AGBL3: variants seen among roughly 807,000 people sequenced by gnomAD.
AGBL3 encodes AGBL carboxypeptidase 3, also known as cytosolic carboxypeptidase 3.
Under a neutral mutation model 94.5 loss-of-function variants are expected in AGBL3, and 68 were observed. The observed-to-expected ratio is 0.72, with a 90% CI of 0.59 to 0.88. The LOEUF (loss-of-function observed/expected upper bound fraction) is 0.88, where lower values mean the gene tolerates loss of function less well. Ranked by LOEUF, AGBL3 falls within the 40% of genes least tolerant of loss-of-function variation. AGBL3 has a pLI of 0.00. For missense variants in AGBL3, 934 were observed against 1,103.8 expected, an observed-to-expected ratio of 0.85 and a Z score of 2.18; for synonymous variants, 354 against 370.7, an observed-to-expected ratio of 0.95 and a Z score of 0.52.
At position 135,063,494 on chromosome 7, in the gene AGBL3, T is replaced by C. The variant is rs903338461; in HGVS notation, c.1908+4259T>C. ...GCCCCAGCTCAAAAGATCTTCTTTT[T>C]TGATGTAGGTGTTTATTGATATGAA... On this transcript the variant is annotated intron_variant, in intron 12 of 16. Transcript: ENST00000436302. Among the ~76,000 whole-genome samples, 22 of 152,260 alleles carry C rather than the reference T, an allele frequency of 1.4e-4. 3 individuals carry two copies. The South Asian group carries it at 3.5e-3, about 24-fold the overall frequency.
intron 14 of AGBL3, among the ~76,000 whole-genome samples, chr7:135,080,744 G>GTTTTTTTTTTTTTTT (rs11409204): frequency 1.5e-5 from 2 of 136,958 alleles, no homozygotes; most frequent in Non-Finnish European, 1.6e-5. Context: ...TAGCATCTCT[G>GTTTTTTTTTTTTTTT]TTTTTTTTTT....
chr7:135,036,478 T>G (rs995066278), intron 7 of AGBL3, among the ~76,000 whole-genome samples: 1 of 152,214 alleles, frequency 6.6e-6, no homozygotes, highest in Non-Finnish European at 1.5e-5. Context: ...AAATATTAAT[T>G]GGCTTCAGCA....
intron 4 of AGBL3, among the ~76,000 whole-genome samples, chr7:134,999,715 A>G (rs1811473643): frequency 6.6e-6 from 1 of 152,220 alleles, no homozygotes; most frequent in African/African-American, 2.4e-5. Flanking sequence ...ATTTGACCAT[A>G]TGGCCAGCCA....
chr7:134,995,937 CAT>C (rs2133385472), intron 4 of AGBL3, among the ~76,000 whole-genome samples: 1 of 152,326 alleles, frequency 6.6e-6, no homozygotes, highest in Non-Finnish European at 1.5e-5. Flanking sequence ...TCTTCTCCCA[CAT>C]GTGTCCTTGA....
intron 11 of AGBL3, among the ~76,000 whole-genome samples, chr7:135,047,860 G>A (rs894854436): frequency 4.0e-5 from 6 of 151,716 alleles, no homozygotes; most frequent in South Asian, 4.2e-4. Context: ...GTACAGAAGC[G>A]TTTTAGTTTG....
At chr7:135,015,858 C>CAAAAAAAAAAAAA (rs780785475) in intron 4 of AGBL3, among the ~76,000 whole-genome samples, 5 of 77,104 alleles carry the variant, frequency 6.5e-5, no homozygotes, top group Middle Eastern at 6.9e-3. Flanking sequence ...ACTAAAAATA[C>CAAAAAAAAAAAAA]AAAAAAAAGA....
chr7:135,071,139 A>G (rs899333688), intron 12 of AGBL3, among the ~76,000 whole-genome samples: 10 of 152,330 alleles, frequency 6.6e-5, no homozygotes, highest in African/African-American at 2.4e-4. Context: ...CAAAGAGAAT[A>G]AAATACCTAG....
intron 2 of AGBL3, 155 bp downstream of exon 2, chr7:134,988,151 G>C: frequency 1.7e-6 from 1 of 589,756 alleles, no homozygotes; most frequent in Non-Finnish European, 2.9e-6. Flanking sequence ...AAAAAGCTAA[G>C]CTATCACTGG....
chr7:135,034,839 C>T lies in AGBL3; in HGVS notation c.1248C>T (p.Ser416=). Residue 416 remains serine, a synonymous_variant, in exon 7 of 17, where the codon TCC becomes TCT. Coordinates refer to ENST00000436302, the MANE Select transcript of AGBL3 (RefSeq NM_178563.4). ...TGATTGTGGGAAATTATCGCTGTTC[C>T]TTAGCTGGACGGGATTTAAACCGTA... The part of the protein sequence containing the change: ...DGVIVGNYRC[S]LAGRDLNRNY... 1.9e-6 allele frequency: 3 copies of T among 1,551,726 alleles called. No individual in the cohort carries two copies. The highest frequency in any genetic ancestry group is 2.6e-6 in the Non-Finnish European group (3 of 1,146,978).
intron 4 of AGBL3, among the ~76,000 whole-genome samples, chr7:135,000,839 C>A (rs1018419253): frequency 5.3e-5 from 8 of 152,176 alleles, no homozygotes; most frequent in African/African-American, 1.9e-4. Context: ...TTTCCATAAG[C>A]CCCAATCTCT....
At chr7:135,033,166 G>A (rs1360395416) in intron 6 of AGBL3, among the ~76,000 whole-genome samples, 184 bp downstream of exon 6, 1 of 152,090 alleles carries the variant, frequency 6.6e-6, no homozygotes, top group African/African-American at 2.4e-5. Context: ...ATAATTTTGA[G>A]AACTATGAGG....
chr7:135,059,814 A>G (rs1818669573), intron 12 of AGBL3, among the ~76,000 whole-genome samples: 1 of 152,242 alleles, frequency 6.6e-6, no homozygotes, highest in Non-Finnish European at 1.5e-5. Context: ...TAAATACTTA[A>G]GTAAGAACTC....
chr7:135,024,293 A>C (rs1814843899), intron 5 of AGBL3, among the ~76,000 whole-genome samples: 1 of 152,210 alleles, frequency 6.6e-6, no homozygotes, highest in Non-Finnish European at 1.5e-5. Context: ...GCTGCAATAC[A>C]AAAGAGCCCT....
chr7:135,055,672 T>C (rs575031038), intron 11 of AGBL3, among the ~76,000 whole-genome samples: 18 of 152,306 alleles, frequency 1.2e-4, no homozygotes, highest in African/African-American at 4.1e-4. Context: ...GCTAATATTT[T>C]CTTAAAGATT....
chr7:135,037,367 A>C, intron 7 of AGBL3, 51 bp from the exon 8 acceptor site: 1 of 1,448,414 alleles, frequency 6.9e-7, no homozygotes, highest in South Asian at 1.4e-5. Context: ...TTGTACCTAT[A>C]GAAGAAAAAT....
At chr7:135,064,854 T>C (rs957697718) in intron 12 of AGBL3, among the ~76,000 whole-genome samples, 1 of 152,226 alleles carries the variant, frequency 6.6e-6, no homozygotes, top group Non-Finnish European at 1.5e-5. Flanking sequence ...AAGGGAAATT[T>C]GTTGGATTAC....
chr7:134,986,685 C>G lies in AGBL3; in HGVS notation c.-76C>G, dbSNP rs1809478610. 6.6e-6 allele frequency: 1 copy of G among 152,308 alleles called. No individual in the cohort carries two copies. Among genetic ancestry groups the G allele is most frequent in the East Asian group, 1.9e-4 (1 of 5,194 alleles). The allele number at this position is 152,308 out of a possible 1,614,324, so 9.4% of individuals were successfully genotyped here. On this transcript the variant is annotated 5_prime_UTR_variant, in exon 1 of 17. Transcript: ENST00000436302. ...ACTCGCGTGGGAGCGAGGTGCCGGC[C>G]CCGACAGGACGGTGAGGTATGCAGA...
intron 5 of AGBL3, among the ~76,000 whole-genome samples, chr7:135,018,898 G>A (rs936530966): frequency 5.9e-5 from 9 of 152,154 alleles, no homozygotes; most frequent in African/African-American, 1.9e-4. Context: ...ACAATTTGGT[G>A]AGTTTTGAAA....
intron 11 of AGBL3, among the ~76,000 whole-genome samples, chr7:135,050,330 G>T (rs1212025916): frequency 6.6e-6 from 1 of 151,944 alleles, no homozygotes; most frequent in African/African-American, 2.4e-5. Flanking sequence ...GAAAGTTCCA[G>T]ATGTGCTTGA....
Sources: allele counts gnomAD v4.1 joint callset (sites outside exome capture counted in the v4.1 genomes callset), GRCh38; gene constraint gnomAD v4.1.1; transcripts MANE v1.5; gene names NCBI Gene and HGNC (gene_info 2026-07-23, HGNC 2026-07-21).